PCDHGA1: variants seen among roughly 807,000 people sequenced by gnomAD.
PCDHGA1 encodes protocadherin gamma subfamily A, 1.
A neutral mutation model predicts 58.0 loss-of-function variants in PCDHGA1; 32 were observed. That is an observed-to-expected ratio of 0.55 (90% confidence interval 0.42 to 0.74). The LOEUF (loss-of-function observed/expected upper bound fraction) is 0.74. PCDHGA1 is among the 30% of genes least tolerant of loss of function. The probability of loss-of-function intolerance (pLI) is 0.00; values close to 1 mark genes in which losing one functional copy is unlikely to be tolerated. For synonymous variants in PCDHGA1, 498 were observed against 501.1 expected (o/e 0.99, Z 0.08); for missense variants, 1,205 against 1,182.3 (o/e 1.02, Z -0.28).
chr5:141,413,002 G>A, intron 1 of PCDHGA1: 2 of 597,506 alleles, frequency 3.3e-6, no homozygotes, highest in East Asian at 3.0e-5. Context: ...GGATTCTCAG[G>A]GCTTCAACTA....
chr5:141,399,682 G>A (rs778817737), intron 1 of PCDHGA1: 14 of 1,613,512 alleles, frequency 8.7e-6, no homozygotes, highest in Non-Finnish European at 1.2e-5. Flanking sequence ...CTTTGACTAC[G>A]AGCAGCTGCG....
chr5:141,403,853 A>G (rs765359583), intron 1 of PCDHGA1: 3 of 1,613,726 alleles, frequency 1.9e-6, no homozygotes, highest in Non-Finnish European at 2.5e-6. Context: ...TACTGGGGAA[A>G]TATCAACAGC....
At chr5:141,428,552 T>TC in intron 1 of PCDHGA1, 2 of 244,422 alleles carry the variant, frequency 8.2e-6, no homozygotes, top group African/African-American at 2.2e-5. Context: ...CCAGAAACAG[T>TC]CCCCCCACAA....
chr5:141,431,554 C>G lies in PCDHGA1; in HGVS notation c.2422-63253C>G. 1 of 1,614,126 alleles carries G rather than the reference C, an allele frequency of 6.2e-7. No homozygotes were observed. The highest frequency in any genetic ancestry group is 1.7e-5 in the Admixed American group (1 of 60,032). ...TGGGCACGCAGCTGCTTGTAGTCAA[C>G]GCTACCGACCCTGACGAAGGAGTCA... is the stretch of plus-strand genomic sequence containing the variant. On this transcript the variant is annotated intron_variant, in intron 1 of 3. Coordinates refer to ENST00000517417, the MANE Select transcript of PCDHGA1 (RefSeq NM_018912.3). This position sits in a 1 kb window ranked among gnomAD's most constrained non-coding sequence, Gnocchi z 4.8.
chr5:141,415,126 C>T, intron 1 of PCDHGA1: 1 of 1,613,688 alleles, frequency 6.2e-7, no homozygotes, highest in Non-Finnish European at 8.5e-7. Context: ...AGTGGCCGTC[C>T]AGGACCACGG....
chr5:141,370,413 T>C (rs778967972), intron 1 of PCDHGA1: 2 of 1,567,918 alleles, frequency 1.3e-6, no homozygotes, highest in South Asian at 2.4e-5. Flanking sequence ...TAGCTCCGGA[T>C]GGAGGGGCCC....
At chr5:141,383,956 A>T in intron 1 of PCDHGA1, 2 of 1,613,670 alleles carry the variant, frequency 1.2e-6, no homozygotes, top group South Asian at 1.1e-5. Flanking sequence ...GACGTCTTTA[A>T]GTAGCTCAAT....
rs139211149 is a variant in PCDHGA1, at chr5:141,426,067, G to A, written c.2422-68740G>A. Among the ~76,000 whole-genome samples, 5 of 152,328 alleles carry A rather than the reference G, an allele frequency of 3.3e-5. No individual in the cohort carries two copies. The East Asian group carries it at 9.6e-4, about 29-fold the overall frequency. On this transcript the variant is annotated intron_variant, in intron 1 of 3. Coordinates refer to ENST00000517417, the MANE Select transcript of PCDHGA1 (RefSeq NM_018912.3). Reference sequence around the variant, plus strand: ...TGGCCAATGTGCTGCAAGAACTGGAGCCTGGGATCTACCAGGACGATATTC... The same window carrying A: ...TGGCCAATGTGCTGCAAGAACTGGAACCTGGGATCTACCAGGACGATATTC...
At chr5:141,506,735 G>A (rs1467217136) in intron 3 of PCDHGA1, among the ~76,000 whole-genome samples, 1 of 152,098 alleles carries the variant, frequency 6.6e-6, no homozygotes, top group Non-Finnish European at 1.5e-5. Context: ...TTAGAATAAT[G>A]CCTATTAATA....
At chr5:141,395,126 C>G (rs1416844764) in intron 1 of PCDHGA1, 1 of 1,614,078 alleles carries the variant, frequency 6.2e-7, no homozygotes, top group East Asian at 2.2e-5. Flanking sequence ...TGATCTTTCC[C>G]CAGCCCAACT....
chr5:141,403,960 G>C (rs775638627), intron 1 of PCDHGA1: 2 of 1,613,658 alleles, frequency 1.2e-6, no homozygotes, highest in African/African-American at 1.3e-5. Flanking sequence ...TGCTCATTTC[G>C]GTGGAAGATG....
At chr5:141,470,124 G>A (rs1038487398) in intron 1 of PCDHGA1, among the ~76,000 whole-genome samples, 4 of 151,358 alleles carry the variant, frequency 2.6e-5, no homozygotes, top group African/African-American at 9.7e-5. Flanking sequence ...GCAAGACTTC[G>A]TCTCAAAAAA....
At chr5:141,349,339 G>A (rs565572871) in intron 1 of PCDHGA1, among the ~76,000 whole-genome samples, 19 of 152,058 alleles carry the variant, frequency 1.2e-4, no homozygotes, top group Middle Eastern at 3.4e-3. Context: ...CAAAGTGCTG[G>A]GATCACAGGT....
chr5:141,402,610 G>A (rs900326336), intron 1 of PCDHGA1, among the ~76,000 whole-genome samples: 1 of 152,168 alleles, frequency 6.6e-6, no homozygotes, highest in Admixed American at 6.5e-5. Context: ...AAATACAAAT[G>A]CAAGAAACAA....
At chr5:141,344,577 G>A in intron 1 of PCDHGA1, 5 of 1,614,016 alleles carry the variant, frequency 3.1e-6, no homozygotes, top group Non-Finnish European at 4.2e-6. Flanking sequence ...CTCTCTGGCT[G>A]TGAATAGCGT....
chr5:141,450,010 T>A (rs2098664468), intron 1 of PCDHGA1, among the ~76,000 whole-genome samples: 1 of 135,330 alleles, frequency 7.4e-6, no homozygotes, highest in African/African-American at 3.3e-5. Flanking sequence ...ATGTCTCTTT[T>A]TTTTTTTTTT....
intron 1 of PCDHGA1, chr5:141,366,543 C>A: frequency 6.2e-7 from 1 of 1,614,244 alleles, no homozygotes; most frequent in Non-Finnish European, 8.5e-7. Context: ...GTGCCCGCCT[C>A]GCACTTTGTG....
At chr5:141,441,859 G>T in intron 1 of PCDHGA1, 1 of 348,078 alleles carries the variant, frequency 2.9e-6, no homozygotes. Context: ...GGTGCTGCAC[G>T]CCGCGGAGCC....
chr5:141,423,972 T>A (rs1459859824), intron 1 of PCDHGA1: 2 of 1,128,544 alleles, frequency 1.8e-6, no homozygotes, highest in African/African-American at 3.3e-5. Flanking sequence ...CTATTATCAG[T>A]GTATGAGGCT....
Sources: gnomAD v4.1 joint callset for allele counts (sites outside exome capture counted in the v4.1 genomes callset) on GRCh38, gnomAD v4.1.1 for gene constraint, Gnocchi (gnomAD v3.1) non-coding constraint, MANE v1.5 for transcripts, NCBI Gene and HGNC (gene_info 2026-07-23, HGNC 2026-07-21) for gene names.